RGL1: variants seen among roughly 807,000 people sequenced by gnomAD.
RGL1 encodes the protein ral guanine nucleotide dissociation stimulator like 1.
In RGL1, 24 loss-of-function variants were observed where a neutral mutation model predicts 95.2. The ratio of observed to expected loss-of-function variants is 0.25; its 90% CI spans 0.18 to 0.35. The LOEUF (loss-of-function observed/expected upper bound fraction) is 0.35, where lower values mean the gene tolerates loss of function less well. Ranked by LOEUF, RGL1 falls within the 10% of genes least tolerant of loss-of-function variation. The probability of loss-of-function intolerance (pLI) is 1.00; values close to 1 mark genes in which losing one functional copy is unlikely to be tolerated. For missense variants in RGL1, 715 were observed against 936.3 expected (o/e 0.76, Z 3.08); for synonymous variants, 329 against 344.9 (o/e 0.95, Z 0.51).
Position 183,724,585 on chromosome 1 carries a change from G to C in RGL1, c.-32-17541G>C, listed in dbSNP as rs1400803795. Among the ~76,000 whole-genome samples the C allele has an allele frequency of 6.6e-6, 1 of 152,210 alleles. No homozygotes were observed. Among genetic ancestry groups the C allele is most frequent in the Non-Finnish European group, 1.5e-5 (1 of 68,000 alleles). On this transcript the variant is annotated intron_variant, in intron 1 of 18. Transcript: ENST00000304685. This position sits in a 1 kb window ranked among gnomAD's most constrained non-coding sequence, Gnocchi z 4.1. ...CATGAAGAGAGACTCCTCTGCTTGTGGAAGGGGGAGGGAGGAGTATGAGGG... is the reference window on the plus strand; with the variant it reads ...CATGAAGAGAGACTCCTCTGCTTGTCGAAGGGGGAGGGAGGAGTATGAGGG...
At chr1:183,761,494 C>A (rs1658663415) in intron 2 of RGL1, among the ~76,000 whole-genome samples, 1 of 152,144 alleles carries the variant, frequency 6.6e-6, no homozygotes, top group African/African-American at 2.4e-5. Flanking sequence ...ATTCAGTAAG[C>A]TGTATATGCT....
intron 2 of RGL1, among the ~76,000 whole-genome samples, chr1:183,750,043 T>C (rs1458185440): frequency 2.6e-5 from 4 of 152,150 alleles, no homozygotes; most frequent in Non-Finnish European, 1.5e-5. Context: ...TGTCTTGGGG[T>C]TGCTCCTCTT....
chr1:183,771,651 C>CGT (rs1659278673), intron 2 of RGL1, among the ~76,000 whole-genome samples: 1 of 152,170 alleles, frequency 6.6e-6, no homozygotes, highest in Non-Finnish European at 1.5e-5. Context: ...AAGGGAAGAG[C>CGT]GTGGTTCCTT....
At chr1:183,831,227 A>G (rs1330665916) in intron 2 of RGL1, among the ~76,000 whole-genome samples, 2 of 152,228 alleles carry the variant, frequency 1.3e-5, no homozygotes, top group Non-Finnish European at 2.9e-5. Context: ...AAAGAAGGCA[A>G]TAAGGAGCCA....
intron 1 of RGL1, among the ~76,000 whole-genome samples, chr1:183,638,993 A>C (rs1475063229): frequency 6.6e-6 from 1 of 152,180 alleles, no homozygotes; most frequent in Non-Finnish European, 1.5e-5. Context: ...AAGACATTGA[A>C]TCCTGGCTGG....
intron 1 of RGL1, among the ~76,000 whole-genome samples, chr1:183,682,390 G>T (rs751168526): frequency 1.3e-5 from 2 of 152,154 alleles, no homozygotes; most frequent in Non-Finnish European, 2.9e-5. Context: ...TGATTTCAAA[G>T]AACATCTTTA....
chr1:183,649,647 CTT>C, intron 1 of RGL1, among the ~76,000 whole-genome samples: 1 of 152,214 alleles, frequency 6.6e-6, no homozygotes, highest in South Asian at 2.1e-4. Context: ...TGTTAGAAGA[CTT>C]TTGAAAAATT....
At chr1:183,904,995 GGGTAGAACTGAAGT>G (rs1668236873) in intron 13 of RGL1, 24 bp downstream of exon 13, 1 of 1,600,658 alleles carries the variant, frequency 6.2e-7, no homozygotes, top group African/African-American at 1.3e-5. Flanking sequence ...TCGTTCATCG[GGGTAGAACTGAAGT>G]GTTGGCAAGA....
intron 1 of RGL1, chr1:183,648,618 G>T: frequency 6.2e-7 from 1 of 1,614,174 alleles, no homozygotes; most frequent in Non-Finnish European, 8.5e-7. Context: ...TGTCCCATAA[G>T]GGAATCCAAA....
chr1:183,697,024 A>G (rs993986655), intron 1 of RGL1, among the ~76,000 whole-genome samples: 1 of 152,170 alleles, frequency 6.6e-6, no homozygotes, highest in Non-Finnish European at 1.5e-5. Context: ...CCTTTGCTCA[A>G]AATTCTCCAG....
chr1:183,818,960 G>T (rs967262733), intron 2 of RGL1, among the ~76,000 whole-genome samples: 1 of 152,132 alleles, frequency 6.6e-6, no homozygotes, highest in African/African-American at 2.4e-5. Flanking sequence ...ATGAAAAGTG[G>T]CCTAGGTATG....
At chr1:183,674,979 A>T (rs539452996) in intron 1 of RGL1, among the ~76,000 whole-genome samples, 178 of 152,324 alleles carry the variant, frequency 1.2e-3, no homozygotes, top group Non-Finnish European at 2.1e-3. Context: ...CAATGTGTAT[A>T]CCTGTCAAAA....
At chr1:183,661,576 A>C (rs1651630529) in intron 1 of RGL1, among the ~76,000 whole-genome samples, 1 of 151,940 alleles carries the variant, frequency 6.6e-6, no homozygotes, top group South Asian at 2.1e-4. Flanking sequence ...ATAGCTTACC[A>C]ACGAAAAAGA....
intron 2 of RGL1, among the ~76,000 whole-genome samples, chr1:183,792,933 A>C (rs1333950107): frequency 6.6e-6 from 1 of 152,182 alleles, no homozygotes; most frequent in Non-Finnish European, 1.5e-5. Context: ...TTCTTCCAAG[A>C]AATAGAAAAA....
At position 183,914,216 on chromosome 1, in the gene RGL1, T is replaced by C. The variant is rs573176480; in HGVS notation, c.1749+1948T>C. Among the ~76,000 whole-genome samples the C allele has an allele frequency of 5.3e-5, 8 of 152,344 alleles. No individual in the cohort carries two copies. In the South Asian group the frequency reaches 1.7e-3, roughly 32 times the overall value. ...GTCACACCTTGTGGCATAGTGGAAA[T>C]GTACATTGGTCCAAATGGTACCTTT... On this transcript the variant is annotated intron_variant, in intron 15 of 17. Transcript: ENST00000360851.
chr1:183,805,987 T>TTTTTTTTTTTTTTTTTTTTTTTTTTTC (rs1661295026), intron 1 of RGL1, among the ~76,000 whole-genome samples: 1 of 60,486 alleles, frequency 1.7e-5, no homozygotes, highest in Admixed American at 1.7e-4. Flanking sequence ...TTTTTTTTTT[T>TTTTTTTTTTTTTTTTTTTTTTTTTTTC]TTTTTTTTTT....
chr1:183,684,028 G>A (rs1486727850), intron 1 of RGL1, among the ~76,000 whole-genome samples: 3 of 152,018 alleles, frequency 2.0e-5, no homozygotes, highest in Admixed American at 1.3e-4. Context: ...GGTCATTTAT[G>A]TTCTTCTCTA....
intron 7 of RGL1, among the ~76,000 whole-genome samples, chr1:183,887,175 T>TTTC (rs1667159370): frequency 6.9e-4 from 1 of 1,454 alleles, no homozygotes; most frequent in Non-Finnish European, 1.7e-3. Flanking sequence ...TCCCTCCCTC[T>TTTC]TTTCCTCCCT....
intron 11 of RGL1, among the ~76,000 whole-genome samples, chr1:183,901,260 C>T (rs979846959): frequency 6.6e-6 from 1 of 151,688 alleles, no homozygotes; most frequent in African/African-American, 2.4e-5. Context: ...GATTGCGCCA[C>T]TGCACTTCAG....
Sources: gnomAD v4.1 joint callset for allele counts (sites outside exome capture counted in the v4.1 genomes callset) on GRCh38, gnomAD v4.1.1 for gene constraint, Gnocchi (gnomAD v3.1) non-coding constraint, MANE v1.5 for transcripts, NCBI Gene and HGNC (gene_info 2026-07-23, HGNC 2026-07-21) for gene names.